Variants in HDAC9 observed in about 807,000 individuals in gnomAD.
The protein encoded by HDAC9 is MEF-2 interacting transcription repressor (MITR) protein.
A neutral mutation model predicts 139.4 loss-of-function variants in HDAC9; 41 were observed. The ratio of observed to expected loss-of-function variants is 0.29; its 90% confidence interval spans 0.23 to 0.38. The LOEUF (loss-of-function observed/expected upper bound fraction) is 0.38. Ranked by LOEUF, HDAC9 falls within the 10% of genes least tolerant of loss-of-function variation. HDAC9 has a pLI of 1.00. For synonymous variants in HDAC9, 517 were observed against 476.2 expected, an observed-to-expected ratio of 1.09 and a Z score of -1.12; for missense variants, 1,147 against 1,297.0, an observed-to-expected ratio of 0.88 and a Z score of 1.78.
chr7:18,719,147 T>C (rs1401081686), intron 12 of HDAC9, among the ~76,000 whole-genome samples: 1 of 152,108 alleles, frequency 6.6e-6, no homozygotes, highest in Admixed American at 6.6e-5. Flanking sequence ...GGATTGCCTG[T>C]TAGTATTGAT....
At chr7:18,857,736 T>A (rs1357580460) in intron 21 of HDAC9, among the ~76,000 whole-genome samples, 1 of 152,100 alleles carries the variant, frequency 6.6e-6, no homozygotes, top group African/African-American at 2.4e-5. Flanking sequence ...GGCATTGAGA[T>A]TCACTGTAGA....
Position 18,666,399 on chromosome 7 carries a change from G to A in HDAC9, c.1654G>A (p.Glu552Lys). 1 of 1,613,148 alleles carries A rather than the reference G, an allele frequency of 6.2e-7. No homozygotes were observed. The highest frequency in any genetic ancestry group is 8.5e-7 in the Non-Finnish European group (1 of 1,179,554). ...ACAAGTTGGGGCTGTGAAGGTCAAGGAGGAACCAGTGGACAGTGATGAAGA... is the reference window on the plus strand; with the variant it reads ...ACAAGTTGGGGCTGTGAAGGTCAAGAAGGAACCAGTGGACAGTGATGAAGA... ...LGQVGAVKVK[E>K]EPVDSDEDAQ... The change falls in exon 12 of 26, where the codon GAG (glutamate) becomes AAG (lysine). Residue 552 changes from glutamate to lysine, a missense_variant. Physicochemically the swap from Glu to Lys is moderately conservative, Grantham distance 56. This residue lies in a region of HDAC9 where 256 missense variants were observed against 219.2 expected (regional missense o/e 1.17). Transcript: ENST00000686413.
chr7:18,604,461 C>T (rs1165722157), intron 6 of HDAC9, among the ~76,000 whole-genome samples: 1 of 151,242 alleles, frequency 6.6e-6, no homozygotes, highest in Non-Finnish European at 1.5e-5. Context: ...GGCTGGAGTG[C>T]AGTGGCGTGA....
intron 1 of HDAC9, among the ~76,000 whole-genome samples, chr7:18,101,258 A>T (rs1363311587): frequency 6.6e-6 from 1 of 152,046 alleles, no homozygotes; most frequent in Admixed American, 6.6e-5. Context: ...CAATTCAGGG[A>T]TTATTCTAGG....
intron 22 of HDAC9, among the ~76,000 whole-genome samples, chr7:18,905,692 T>A (rs1802171008): frequency 6.6e-6 from 1 of 152,200 alleles, no homozygotes; most frequent in Admixed American, 6.5e-5. Context: ...GGAAGGGATT[T>A]CCATTGCAGA....
intron 22 of HDAC9, among the ~76,000 whole-genome samples, chr7:18,888,856 A>G (rs1406975965): frequency 6.6e-6 from 1 of 152,202 alleles, no homozygotes; most frequent in Non-Finnish European, 1.5e-5. Flanking sequence ...ACCCTTTTTC[A>G]GGAACGACTT....
chr7:18,729,580 T>C (rs1785854605), intron 13 of HDAC9, among the ~76,000 whole-genome samples: 1 of 152,118 alleles, frequency 6.6e-6, no homozygotes, highest in East Asian at 1.9e-4. Flanking sequence ...CTTAGAAGAA[T>C]CCAGATGCAA....
At chr7:18,956,749 T>TCCCC (rs1783180581) in intron 24 of HDAC9, among the ~76,000 whole-genome samples, 1 of 152,094 alleles carries the variant, frequency 6.6e-6, no homozygotes, top group Non-Finnish European at 1.5e-5. Context: ...GGGGAGCTGT[T>TCCCC]TTTAGTCTAA....
intron 12 of HDAC9, chr7:18,668,417 T>C (rs1402989527): frequency 1.1e-6 from 1 of 940,824 alleles, no homozygotes; most frequent in East Asian, 1.2e-4. Context: ...AAAGTCTTTT[T>C]TCAATCTCAT....
At chr7:18,744,456 G>T (rs573207852) in intron 13 of HDAC9, among the ~76,000 whole-genome samples, 34 of 152,250 alleles carry the variant, frequency 2.2e-4, no homozygotes, top group African/African-American at 7.5e-4. Flanking sequence ...GCCCTAGAAG[G>T]AGTTTAATAA....
At position 18,603,332 on chromosome 7, in the gene HDAC9, T is replaced by C. The variant is rs1334603455; in HGVS notation, c.664+9303T>C. ...TAATTAGATTAATATCTAGAATGTT[T>C]GTAACTGTTTTCTTCATTATATTTA... On this transcript the variant is annotated intron_variant, in intron 6 of 25. Transcript: ENST00000686413. Among the ~76,000 whole-genome samples, 3 of 152,078 alleles carry C rather than the reference T, an allele frequency of 2.0e-5. No individual in the cohort carries two copies. In the East Asian group the frequency reaches 5.8e-4, roughly 29 times the overall value.
At chr7:18,247,628 G>T (rs967763807) in intron 2 of HDAC9, among the ~76,000 whole-genome samples, 2 of 152,128 alleles carry the variant, frequency 1.3e-5, no homozygotes, top group African/African-American at 2.4e-5. Context: ...CCCTTCTTCG[G>T]TGCCTCACCT....
At chr7:18,613,715 T>G (rs1431706777) in intron 6 of HDAC9, among the ~76,000 whole-genome samples, 2 of 152,170 alleles carry the variant, frequency 1.3e-5, no homozygotes, top group African/African-American at 4.8e-5. Flanking sequence ...TAGGTTATGA[T>G]GTTATAAAAA....
At chr7:18,175,790 A>G (rs1267337070) in intron 2 of HDAC9, among the ~76,000 whole-genome samples, 1 of 121,980 alleles carries the variant, frequency 8.2e-6, no homozygotes, top group Non-Finnish European at 1.7e-5. Context: ...CTTTTTTTAG[A>G]ATAACTTCCT....
chr7:18,510,030 T>TA (rs35848123), intron 2 of HDAC9, among the ~76,000 whole-genome samples: 1 of 152,216 alleles, frequency 6.6e-6, no homozygotes, highest in African/African-American at 2.4e-5. Context: ...TTGGTATTTT[T>TA]AAAAAATGAT....
chr7:18,157,630 A>G (rs567877388), intron 1 of HDAC9, among the ~76,000 whole-genome samples: 26 of 152,320 alleles, frequency 1.7e-4, no homozygotes, highest in African/African-American at 4.8e-4. Flanking sequence ...GTGACTGTCT[A>G]TGGTAAAAGC....
rs142278075 is a variant in HDAC9 at position 18,297,699 on chromosome 7, A to C, written c.-42+7184A>C. ...ACAGTTTTTAGTCCTGATCCAAAGG[A>C]GTTTAGTCATCAGAAGAACCACCAG... On this transcript the variant is annotated intron_variant, in intron 1 of 3. Coordinates refer to the HDAC9 transcript ENST00000413509. 2.0e-5 allele frequency among the ~76,000 whole-genome samples: 3 copies of C among 152,280 alleles called. No individual in the cohort carries two copies. The East Asian group carries it at 5.8e-4, about 29-fold the overall frequency.
chr7:18,127,366 T>C (rs902506042), intron 1 of HDAC9: 1 of 170,282 alleles, frequency 5.9e-6, no homozygotes, highest in African/African-American at 2.4e-5. Flanking sequence ...CTTGTGAAAT[T>C]TGGAAACCTT....
chr7:18,717,880 GAAAT>G (rs1784826438), intron 12 of HDAC9, among the ~76,000 whole-genome samples: 1 of 152,082 alleles, frequency 6.6e-6, no homozygotes. Context: ...AGATAAAAAT[GAAAT>G]AAACATTATT....
Sources: allele counts gnomAD v4.1 joint callset (sites outside exome capture counted in the v4.1 genomes callset), GRCh38; gene constraint gnomAD v4.1.1; regional missense constraint gnomAD v4.1.1; transcripts MANE v1.5; gene names NCBI Gene and HGNC (gene_info 2026-07-23, HGNC 2026-07-21).